Variants in FDPS observed in about 807,000 individuals in gnomAD.
FDPS encodes the protein farnesyl pyrophosphate synthase.
Under a neutral mutation model 49.5 loss-of-function variants are expected in FDPS, and 29 were observed. The ratio of observed to expected loss-of-function variants is 0.59; its 90% confidence interval spans 0.44 to 0.80. FDPS has a LOEUF of 0.80. Ranked by LOEUF, FDPS falls within the 30% of genes least tolerant of loss-of-function variation. The pLI, the probability that FDPS is intolerant of heterozygous loss-of-function variation, is 0.00. For synonymous variants in FDPS, 172 were observed against 206.4 expected, an observed-to-expected ratio of 0.83 and a Z score of 1.43; for missense variants, 414 against 525.6, an observed-to-expected ratio of 0.79 and a Z score of 2.08.
In FDPS at chr1:155,318,795, C is replaced by T. The variant is rs186083122; in HGVS notation, c.773+42C>T. 235 of 1,586,322 alleles carry T rather than the reference C, an allele frequency of 1.5e-4. 2 individuals are homozygous for T. The East Asian group carries it at 4.4e-3, about 30-fold the overall frequency. ...GACAGCGCGAACCATGTCTGGACAG[C>T]GAGGGAGGGCTCAGGATGTGCATTG... On this transcript the variant is annotated intron_variant, in intron 7 of 10. Coordinates refer to ENST00000368356, the MANE Select transcript of FDPS (RefSeq NM_002004.4). This position sits in a 1 kb window ranked among gnomAD's most constrained non-coding sequence, Gnocchi z 4.2.
chr1:155,312,799 G>C (rs1648936781), intron 4 of FDPS: 1 of 166,814 alleles, frequency 6.0e-6, no homozygotes, highest in Non-Finnish European at 1.3e-5. Flanking sequence ...GACCAACATG[G>C]AGAAACCCCA....
At chr1:155,310,300 A>T in intron 3 of FDPS, 95 bp downstream of exon 3, 94 of 963,410 alleles carry the variant, frequency 9.8e-5, no homozygotes, top group Non-Finnish European at 1.4e-4. Flanking sequence ...CTTTTGACAG[A>T]TGTGAGAGAA....
chr1:155,318,327 C>G lies in FDPS; in HGVS notation c.684+36C>G. On this transcript the variant is annotated intron_variant, in intron 6 of 10. Coordinates refer to ENST00000368356, the MANE Select transcript of FDPS (RefSeq NM_002004.4). This position sits in a 1 kb window ranked among gnomAD's most constrained non-coding sequence, Gnocchi z 4.2. The stretch of plus-strand genomic sequence containing the variant: ...GACAGGGCCCGATGCCCAGAGGGTG[C>G]CCATGGTAGCCTTGGCCTCTATAGG... The G allele has an allele frequency of 6.2e-7, 1 of 1,604,212 alleles. No homozygotes were observed. Among genetic ancestry groups the G allele is most frequent in the South Asian group, 1.1e-5 (1 of 90,964 alleles).
chr1:155,315,535 T>C (rs997634472), intron 4 of FDPS, among the ~76,000 whole-genome samples: 1 of 151,754 alleles, frequency 6.6e-6, no homozygotes, highest in Non-Finnish European at 1.5e-5. Flanking sequence ...AAAAAAATAT[T>C]AGCCGGGCAT....
Position 155,317,929 on chromosome 1 carries a change from C to T in FDPS, c.481-12C>T. 1.2e-6 allele frequency: 2 copies of T among 1,610,944 alleles called. No individual in the cohort carries two copies. The highest frequency in any genetic ancestry group is 2.7e-5 in the African/African-American group (2 of 74,974). On this transcript the variant is annotated splice_polypyrimidine_tract_variant and intron_variant, in intron 4 of 10. Coordinates refer to ENST00000368356, the MANE Select transcript of FDPS (RefSeq NM_002004.4). Reference sequence around the variant, plus strand: ...ATGAGGAGCCCTGCAGGTCTTATTCCACTCTTTCTAGCTGCAAGCTTTCTT... The same window carrying T: ...ATGAGGAGCCCTGCAGGTCTTATTCTACTCTTTCTAGCTGCAAGCTTTCTT...
rs1181313004 is a variant in FDPS at position 155,320,622 on chromosome 1, A to C, written c.*13A>C. The C allele has an allele frequency of 6.2e-7, 1 of 1,613,720 alleles. No homozygotes were observed. The highest frequency in any genetic ancestry group is 1.7e-5 in the Admixed American group (1 of 60,018). The stretch of plus-strand genomic sequence containing the variant: ...GCGGAGAAAGTGACCTAGAGATTGC[A>C]AGGGCGGGGAGAGGAGGCTCTCAAT... On this transcript the variant is annotated 3_prime_UTR_variant, in exon 11 of 11. Coordinates refer to ENST00000368356, the MANE Select transcript of FDPS (RefSeq NM_002004.4).
chr1:155,317,878 C>T, intron 4 of FDPS, 63 bp from the exon 5 acceptor site: 2 of 1,430,980 alleles, frequency 1.4e-6, no homozygotes, highest in Non-Finnish European at 2.0e-6. Context: ...AAAGTAGCAG[C>T]TCTGTTGCTG....
intron 4 of FDPS, 92 bp from the exon 5 acceptor site, chr1:155,317,849 C>A: frequency 8.5e-7 from 1 of 1,176,416 alleles, no homozygotes; most frequent in South Asian, 1.4e-5. Context: ...CAAAAAAAAG[C>A]AAAACTATAT....
chr1:155,317,996 G>A lies in FDPS; in HGVS notation c.536G>A (p.Arg179Gln), dbSNP rs863225241. 3.7e-6 allele frequency: 6 copies of A among 1,613,816 alleles called. No homozygotes were observed. Among genetic ancestry groups the A allele is most frequent in the South Asian group, 1.1e-5 (1 of 91,052 alleles). The change falls in exon 5 of 11, where the codon CGG becomes CAG. Residue 179 changes from arginine (R) to glutamine (Q), a missense_variant. By Grantham distance (43) the Arg-to-Gln change is conservative. Coordinates refer to ENST00000368356, the MANE Select transcript of FDPS (RefSeq NM_002004.4). ...ATCATGGATTCATCCCTTACCCGCC[G>A]GGGACAGATCTGCTGGTATCAGAAG... ...DDIMDSSLTRRGQICWYQKPG... is the reference protein window; with the variant it reads ...DDIMDSSLTRQGQICWYQKPG...
chr1:155,314,188 A>ATTT lies in FDPS; in HGVS notation c.480+1806_480+1808dup, dbSNP rs34299252. 9.2e-3 allele frequency among the ~76,000 whole-genome samples: 1,299 copies of ATTT among 141,032 alleles called. 22 individuals are homozygous for ATTT. Among genetic ancestry groups the ATTT allele is most frequent in the African/African-American group, 0.031 (1,165 of 38,150 alleles). 92.5% of individuals were successfully genotyped at this position (141,032 alleles called of 152,430 possible). On this transcript the variant is annotated intron_variant, in intron 4 of 10. Coordinates refer to ENST00000368356, the MANE Select transcript of FDPS (RefSeq NM_002004.4). The stretch of plus-strand genomic sequence containing the variant: ...ACCTGTAAGTTTTTAAAAATTTTTA[A>ATTT]TTTTTTTTTTTTTTTGATACAGGGT...
rs187436372 is a variant in FDPS, at chr1:155,313,475, A to T, written c.480+1080A>T. Among the ~76,000 whole-genome samples, 225 of 152,316 alleles carry T rather than the reference A, an allele frequency of 1.5e-3. 1 individual carries two copies. Among genetic ancestry groups the T allele is most frequent in the African/African-American group, 5.1e-3 (212 of 41,550 alleles). On this transcript the variant is annotated intron_variant, in intron 4 of 10. Coordinates refer to ENST00000368356, the MANE Select transcript of FDPS (RefSeq NM_002004.4). ...GCTGAGTGCCTGGCCTGAGAGGAGC[A>T]GCTGGCTCAAGGGAAGACGTGCTGA...
At chr1:155,315,901 C>T (rs1258434959) in intron 4 of FDPS, among the ~76,000 whole-genome samples, 1 of 150,238 alleles carries the variant, frequency 6.7e-6, no homozygotes, top group Non-Finnish European at 1.5e-5. Flanking sequence ...ATGTCTTCTG[C>T]TCAAGCCTGG....
At position 155,317,990 on chromosome 1, in the gene FDPS, C is replaced by A. The variant is rs777799727; in HGVS notation, c.530C>A (p.Thr177Asn). 6.2e-7 allele frequency: 1 copy of A among 1,613,678 alleles called. No homozygotes were observed. The highest frequency in any genetic ancestry group is 1.1e-5 in the South Asian group (1 of 91,052). ...VADDIMDSSL[T>N]RRGQICWYQK... ...GATGACATCATGGATTCATCCCTTA[C>A]CCGCCGGGGACAGATCTGCTGGTAT... The change falls in exon 5 of 11, where the codon ACC (threonine) becomes AAC (asparagine). Residue 177 changes from threonine to asparagine, a missense_variant. Transcript: ENST00000368356.
chr1:155,309,526 C>A (rs1028199682), intron 1 of FDPS: 3 of 386,446 alleles, frequency 7.8e-6, no homozygotes, highest in African/African-American at 4.1e-5. Context: ...CCTTACCCAG[C>A]CTTGTGCACG....
intron 4 of FDPS, among the ~76,000 whole-genome samples, chr1:155,314,449 G>C (rs891333014): frequency 9.2e-5 from 14 of 152,020 alleles, no homozygotes; most frequent in Non-Finnish European, 1.5e-4. Context: ...AAAGTGTTGG[G>C]ATTACAGGCG....
rs553258423 is a variant in FDPS at position 155,318,260 on chromosome 1, A to G, written c.653A>G (p.Tyr218Cys). The G allele has an allele frequency of 9.9e-6, 16 of 1,613,450 alleles. No homozygotes were observed. Among genetic ancestry groups the G allele is most frequent in the South Asian group, 9.9e-5 (9 of 91,082 alleles). ...LLKLYCREQP[Y>C]YLNLIELFLQ... is the part of the protein sequence containing the mutation. ...AAGCTCTATTGCCGGGAGCAGCCCT[A>G]TTACCTGAACCTGATCGAGCTCTTC... The change falls in exon 6 of 11, where the codon TAT becomes TGT. Residue 218 changes from tyrosine (Y) to cysteine (C), a missense_variant. Transcript: ENST00000368356. The surrounding 1 kb of genome is among the most constrained non-coding windows in gnomAD (Gnocchi z 4.2).
chr1:155,309,941 G>T lies in FDPS; in HGVS notation c.152G>T (p.Cys51Phe). 6.2e-7 allele frequency: 1 copy of T among 1,605,744 alleles called. No homozygotes were observed. The highest frequency in any genetic ancestry group is 1.8e-4 in the Middle Eastern group (1 of 5,558). ...GCCTGGCACAGTGCCCGCTGCTGGT[G>T]CCAAGCGTGGACAGAGGAACCTCGG... ...VLAWHSARCWCQAWTEEPRAL... is the reference protein window; with the variant it reads ...VLAWHSARCWFQAWTEEPRAL... Residue 51 changes from cysteine (C) to phenylalanine (F), a missense_variant, in exon 2 of 11, where the codon TGC becomes TTC. Transcript: ENST00000368356.
At position 155,319,638 on chromosome 1, in the gene FDPS, G is replaced by T. The variant is rs541865097; in HGVS notation, c.874G>T (p.Ala292Ser). 1.4e-5 allele frequency: 22 copies of T among 1,614,196 alleles called. No homozygotes were observed. The highest frequency in any genetic ancestry group is 1.9e-5 in the Non-Finnish European group (22 of 1,180,042). ...MAGIDGEKEH[A>S]NAKKILLEMG... is the part of the protein sequence containing the mutation. ...AGGAATTGATGGCGAGAAGGAGCAC[G>T]CCAATGCCAAGAAGATCCTGCTGGA... The change falls in exon 9 of 11, where the codon GCC (alanine) becomes TCC (serine). Residue 292 changes from alanine (A) to serine (S), a missense_variant. Ala to Ser is a moderately conservative substitution (Grantham distance 99). Coordinates refer to ENST00000368356, the MANE Select transcript of FDPS (RefSeq NM_002004.4).
chr1:155,309,759 C>A, intron 1 of FDPS, 30 bp from the exon 2 acceptor site: 1 of 1,499,034 alleles, frequency 6.7e-7, no homozygotes. Flanking sequence ...GCAGGGAGTG[C>A]TTAGTGCCCC....
Sources: gnomAD v4.1 joint callset for allele counts (sites outside exome capture counted in the v4.1 genomes callset) on GRCh38, gnomAD v4.1.1 for gene constraint, Gnocchi (gnomAD v3.1) non-coding constraint, MANE v1.5 for transcripts, NCBI Gene and HGNC (gene_info 2026-07-23, HGNC 2026-07-21) for gene names.